Variants in PDZD2 observed in about 807,000 individuals in gnomAD.
PDZD2 encodes the protein PDZ domain-containing protein 2.
PDZD2 carries 90 observed loss-of-function variants against 220.7 expected under a neutral mutation model. The observed-to-expected ratio is 0.41, with a 90% CI of 0.34 to 0.49. The LOEUF is 0.49. Among genes scored for constraint, PDZD2 ranks in the 20% least tolerant of loss-of-function variants. The pLI, the probability that PDZD2 is intolerant of heterozygous loss-of-function variation, is 0.28. For synonymous variants in PDZD2, 1,375 were observed against 1,450.5 expected (o/e 0.95, Z 1.18); for missense variants, 3,174 against 3,608.5 (o/e 0.88, Z 3.08).
At chr5:31,878,651 C>G (rs916708150) in intron 2 of PDZD2, among the ~76,000 whole-genome samples, 2 of 147,082 alleles carry the variant, frequency 1.4e-5, no homozygotes, top group Non-Finnish European at 3.0e-5. Flanking sequence ...GCTCCGCCCC[C>G]CGGGGTTCAC....
rs1434309344 is a variant in PDZD2 at position 32,101,034 on chromosome 5, CT to C, written c.8219-70del. Reference sequence around the variant, plus strand: ...TACATGGGGCTGGAGGCGATGCATCCTGGGGGACTTGGACATGTGGCATGAT... The same window carrying C: ...TACATGGGGCTGGAGGCGATGCATCCGGGGGACTTGGACATGTGGCATGAT... On this transcript the variant is annotated intron_variant, in intron 23 of 24. Coordinates refer to ENST00000438447, the MANE Select transcript of PDZD2 (RefSeq NM_178140.4). The C allele has an allele frequency of 6.2e-6, 10 of 1,602,840 alleles. No homozygotes were observed. The East Asian group carries it at 1.8e-4, about 29-fold the overall frequency.
At chr5:31,689,310 TACATATACACATATATATACATATAC>T (rs1747004948) in intron 1 of PDZD2, among the ~76,000 whole-genome samples, 1 of 129,158 alleles carries the variant, frequency 7.7e-6, no homozygotes, top group African/African-American at 3.1e-5. Context: ...TACACATACA[TACATATACACATATATATACATATAC>T]ATATATATAT....
chr5:31,777,265 G>A (rs974679048), intron 1 of PDZD2, among the ~76,000 whole-genome samples: 2 of 152,190 alleles, frequency 1.3e-5, no homozygotes, highest in Non-Finnish European at 2.9e-5. Context: ...CTGCAGAGGG[G>A]GCGCCAGGTC....
At chr5:31,677,663 G>A (rs1046368558) in intron 1 of PDZD2, among the ~76,000 whole-genome samples, 11 of 152,154 alleles carry the variant, frequency 7.2e-5, no homozygotes, top group African/African-American at 2.7e-4. Flanking sequence ...TCCATGTGAT[G>A]GAGTACTATT....
intron 1 of PDZD2, among the ~76,000 whole-genome samples, chr5:31,769,896 GT>G (rs55692113): frequency 0.36 from 54,938 of 152,042 alleles, 10,562 homozygotes; most frequent in Middle Eastern, 0.42. Flanking sequence ...TTTTGTTATT[GT>G]TTTGTTTTGT....
At chr5:31,984,534 A>G (rs746471780) in intron 3 of PDZD2, among the ~76,000 whole-genome samples, 6 of 151,954 alleles carry the variant, frequency 3.9e-5, no homozygotes, top group Non-Finnish European at 8.8e-5. Flanking sequence ...ATAAAGATCA[A>G]AATGGGCGTA....
chr5:31,758,823 CA>C (rs1443793648), intron 1 of PDZD2, among the ~76,000 whole-genome samples: 1 of 152,112 alleles, frequency 6.6e-6, no homozygotes, highest in African/African-American at 2.4e-5. Flanking sequence ...CATTTCCTCC[CA>C]AAGTATGGAA....
At chr5:32,099,284 G>A (rs1744035788) in intron 23 of PDZD2, 1 of 152,298 alleles carries the variant, frequency 6.6e-6, no homozygotes, top group Non-Finnish European at 1.5e-5. Flanking sequence ...GGCATTCAGG[G>A]GTGACGTCTT....
chr5:31,940,389 T>C (rs1746113647), intron 2 of PDZD2, among the ~76,000 whole-genome samples: 1 of 152,202 alleles, frequency 6.6e-6, no homozygotes, highest in Non-Finnish European at 1.5e-5. Context: ...GCAGGGCACA[T>C]TGTCAGCCCT....
At chr5:31,650,177 A>C (rs991039826) in intron 1 of PDZD2, among the ~76,000 whole-genome samples, 1 of 151,964 alleles carries the variant, frequency 6.6e-6, no homozygotes, top group Non-Finnish European at 1.5e-5. Context: ...TGAGCAGGAA[A>C]ATGAATTATC....
At chr5:32,039,399 ACTCAATG>A (rs140650602) in intron 7 of PDZD2, among the ~76,000 whole-genome samples, 88 of 151,836 alleles carry the variant, frequency 5.8e-4, no homozygotes, top group African/African-American at 2.0e-3. Flanking sequence ...AGTCTCGCTC[ACTCAATG>A]CTCAATGTTG....
intron 2 of PDZD2, among the ~76,000 whole-genome samples, chr5:31,940,637 T>TTGG (rs1206913192): frequency 3.3e-5 from 5 of 152,224 alleles, no homozygotes; most frequent in African/African-American, 4.8e-5. Flanking sequence ...TCAGGTAGCC[T>TTGG]AAAGCCACAT....
rs563218573 is a variant in PDZD2 at position 32,074,565 on chromosome 5, C to T, written c.3459C>T (p.Cys1153=). ...TGACTGGCAGAGCCAATGATCCATG[C>T]GATCTGGACTCGAGAGTCCAGGCCA... The part of the protein sequence containing the change: ...VNLTGRANDP[C]DLDSRVQATS... Residue 1153 remains cysteine (C), a synonymous_variant, in exon 18 of 25, where the codon TGC becomes TGT. Transcript: ENST00000438447. The T allele has an allele frequency of 3.1e-6, 5 of 1,613,928 alleles. No individual in the cohort carries two copies. Among genetic ancestry groups the T allele is most frequent in the East Asian group, 2.2e-5 (1 of 44,876 alleles).
At chr5:32,091,299 T>G (rs1743136841) in intron 20 of PDZD2, 124 bp downstream of exon 20, 3 of 768,958 alleles carry the variant, frequency 3.9e-6, no homozygotes, top group East Asian at 5.9e-5. Flanking sequence ...TTTTTTTTTT[T>G]TTTGAGATGG....
At chr5:31,844,925 G>T (rs555232671) in intron 2 of PDZD2, among the ~76,000 whole-genome samples, 11 of 152,192 alleles carry the variant, frequency 7.2e-5, no homozygotes, top group Non-Finnish European at 1.0e-4. Context: ...CAAAGCAGAA[G>T]ACCTCTGTGA....
intron 2 of PDZD2, among the ~76,000 whole-genome samples, chr5:31,885,093 A>G (rs1363641638): frequency 6.6e-6 from 1 of 151,924 alleles, no homozygotes; most frequent in Non-Finnish European, 1.5e-5. Context: ...AATGAGTAAA[A>G]TACCCAGAAG....
At chr5:31,986,947 A>G (rs1165358270) in intron 3 of PDZD2, among the ~76,000 whole-genome samples, 3 of 152,214 alleles carry the variant, frequency 2.0e-5, no homozygotes, top group Non-Finnish European at 4.4e-5. Context: ...TTTCTTTTTA[A>G]AAAATGGTAT....
At chr5:31,822,459 C>T (rs16901599) in intron 2 of PDZD2, 217,294 of 387,446 alleles carry the variant, frequency 0.56, 61,835 homozygotes, top group Non-Finnish European at 0.6. Flanking sequence ...TTTTTTTTTT[C>T]CCAAATCAAT....
intron 3 of PDZD2, among the ~76,000 whole-genome samples, chr5:31,990,935 A>T (rs1354615186): frequency 6.6e-6 from 1 of 152,158 alleles, no homozygotes; most frequent in East Asian, 1.9e-4. Flanking sequence ...GCGATGTTTG[A>T]GCTGAGGATT....
Sources: gnomAD v4.1 joint callset for allele counts (sites outside exome capture counted in the v4.1 genomes callset) on GRCh38, gnomAD v4.1.1 for gene constraint, MANE v1.5 for transcripts, NCBI Gene and HGNC (gene_info 2026-07-23, HGNC 2026-07-21) for gene names.